PEX6: variants seen among roughly 807,000 people sequenced by gnomAD.
PEX6 encodes the protein peroxisome biogenesis factor 6.
Under a neutral mutation model 85.6 loss-of-function variants are expected in PEX6, and 55 were observed. That is an observed-to-expected ratio of 0.64 (90% CI 0.52 to 0.80). The LOEUF (loss-of-function observed/expected upper bound fraction) is 0.80. PEX6 is among the 30% of genes least tolerant of loss of function. The probability of loss-of-function intolerance (pLI) is 0.00; values close to 1 mark genes in which losing one functional copy is unlikely to be tolerated. For synonymous variants in PEX6, 519 were observed against 549.1 expected, an observed-to-expected ratio of 0.95 and a Z score of 0.77; for missense variants, 1,099 against 1,260.3, an observed-to-expected ratio of 0.87 and a Z score of 1.94.
rs1769731101 is a variant in PEX6 at position 42,965,329 on chromosome 6, G to A, written c.2511C>T (p.His837=). ...CAATCACAAACACATCCTGAGTGCTGTGCAGCCCATCTAGCTCGGCAAGGA... is the reference window on the plus strand; with the variant it reads ...CAATCACAAACACATCCTGAGTGCTATGCAGCCCATCTAGCTCGGCAAGGA... ...SQLLAELDGL[H]STQDVFVIGA... The change falls in exon 14 of 17, where the codon CAC becomes CAT. Residue 837 remains histidine (H), a synonymous_variant. Coordinates refer to ENST00000304611, the MANE Select transcript of PEX6 (RefSeq NM_000287.4). The surrounding 1 kb of genome is among the most constrained non-coding windows in gnomAD (Gnocchi z 5.0). 1 of 1,614,154 alleles carries A rather than the reference G, an allele frequency of 6.2e-7. No homozygotes were observed. Among genetic ancestry groups the A allele is most frequent in the Non-Finnish European group, 8.5e-7 (1 of 1,180,022 alleles).
chr6:42,976,516 C>T (rs1037038164), intron 1 of PEX6, among the ~76,000 whole-genome samples: 1 of 152,124 alleles, frequency 6.6e-6, no homozygotes, highest in Non-Finnish European at 1.5e-5. Flanking sequence ...GTGTGCACCA[C>T]CATACTGGGC....
In PEX6 at chr6:42,978,577, G is replaced by C. The variant is rs1403841138; in HGVS notation, c.574C>G (p.Arg192Gly). 3 of 1,611,774 alleles carry C rather than the reference G, an allele frequency of 1.9e-6. No homozygotes were observed. Among genetic ancestry groups the C allele is most frequent in the East Asian group, 2.2e-5 (1 of 44,856 alleles). ...VSSFAVSGTV[R>G]RLQGVLGGTG... is the part of the protein sequence containing the mutation. ...CCTCCCAGAACTCCCTGGAGTCGCC[G>C]CACTGTGCCAGAAACCGCAAAGGAG... The change falls in exon 1 of 17, where the codon CGG becomes GGG. Residue 192 changes from arginine to glycine, a missense_variant. Physicochemically the swap from Arg to Gly is moderately radical, Grantham distance 125. Transcript: ENST00000304611.
Position 42,978,494 on chromosome 6 carries a change from CT to C in PEX6, c.656del (p.Gln219ArgfsTer27), listed in dbSNP as rs267608202. ...CCTGGGCCACCCACACCCATTCGCCCTGGAAGAGGCCAAGGCCACGGAGACA... is the reference window on the plus strand; with the variant it reads ...CCTGGGCCACCCACACCCATTCGCCCGGAAGAGGCCAAGGCCACGGAGACA... ...RSCLRGLGLF[Q>X]GEWVWVAQAR... On this transcript the variant is annotated frameshift_variant, in exon 1 of 17. Coordinates refer to ENST00000304611, the MANE Select transcript of PEX6 (RefSeq NM_000287.4). LOFTEE classifies it high-confidence loss of function. The C allele has an allele frequency of 6.2e-7, 1 of 1,614,198 alleles. No homozygotes were observed. Among genetic ancestry groups the C allele is most frequent in the African/African-American group, 1.3e-5 (1 of 75,056 alleles).
chr6:42,967,068 C>T (rs989028160), intron 8 of PEX6, among the ~76,000 whole-genome samples: 1 of 144,278 alleles, frequency 6.9e-6, no homozygotes, highest in Admixed American at 7.3e-5. Flanking sequence ...CACCCGGGTT[C>T]AAGCGATTAT....
rs1301607679 is a variant in PEX6, at chr6:42,964,163, A to T, written c.*172T>A. 3 of 672,764 alleles carry T rather than the reference A, an allele frequency of 4.5e-6. No individual in the cohort carries two copies. The African/African-American group carries it at 5.4e-5, about 12-fold the overall frequency. 41.7% of individuals were successfully genotyped at this position (672,764 alleles called of 1,614,324 possible). A position where few individuals can be genotyped will look rare whatever the true frequency, so the allele number is the denominator to read the frequency against. ...GCAAGTAGGCAGGAGATATCTCTTG[A>T]GCTGTTGCTGCTGTCTCAATGCCAC... On this transcript the variant is annotated 3_prime_UTR_variant, in exon 17 of 17. Coordinates refer to ENST00000304611, the MANE Select transcript of PEX6 (RefSeq NM_000287.4). The surrounding 1 kb of genome is among the most constrained non-coding windows in gnomAD (Gnocchi z 4.6).
intron 7 of PEX6, 79 bp downstream of exon 7, chr6:42,968,211 A>G (rs1000377979): frequency 2.4e-5 from 30 of 1,238,374 alleles, no homozygotes; most frequent in Middle Eastern, 4.8e-4. Context: ...CGGCCTCCCA[A>G]TGTGCTGGGA....
chr6:42,969,963 C>G lies in PEX6; in HGVS notation c.1155G>C (p.Val385=). Residue 385 remains valine, a synonymous_variant, in exon 4 of 17, where the codon GTG becomes GTC. Transcript: ENST00000304611. ...CTGGAGCTTCCCCAACTGTTTTCTT[C>G]ACTTTAAAAAACATTTCCCGCCACC... ...LPRWREMFFK[V]KKTVGEAPDG... The G allele has an allele frequency of 6.2e-7, 1 of 1,614,186 alleles. No individual in the cohort carries two copies. Among genetic ancestry groups the G allele is most frequent in the South Asian group, 1.1e-5 (1 of 91,084 alleles).
Position 42,964,161 on chromosome 6 carries a change from T to G in PEX6, c.*174A>C. ...GGGCAAGTAGGCAGGAGATATCTCT[T>G]GAGCTGTTGCTGCTGTCTCAATGCC... On this transcript the variant is annotated 3_prime_UTR_variant, in exon 17 of 17. Transcript: ENST00000304611. The surrounding 1 kb of genome is among the most constrained non-coding windows in gnomAD (Gnocchi z 4.6). 15 of 668,246 alleles carry G rather than the reference T, an allele frequency of 2.2e-5. No homozygotes were observed. Among genetic ancestry groups the G allele is most frequent in the Middle Eastern group, 3.9e-4 (1 of 2,562 alleles). 41.4% of individuals were successfully genotyped at this position (668,246 alleles called of 1,614,324 possible). A position where few individuals can be genotyped will look rare whatever the true frequency, so the allele number is the denominator to read the frequency against.
At chr6:42,972,212 A>G (rs1770084349) in intron 3 of PEX6, among the ~76,000 whole-genome samples, 1 of 152,226 alleles carries the variant, frequency 6.6e-6, no homozygotes, top group African/African-American at 2.4e-5. Flanking sequence ...TAGTGCATCT[A>G]TCAGCTGTGC....
chr6:42,967,505 C>T lies in PEX6; in HGVS notation c.1747G>A (p.Val583Met), dbSNP rs750996699. The part of the protein sequence containing the change: ...TSRAQDLPAD[V>M]QTAFPHELEV... Reference sequence around the variant, plus strand: ...AGCTCATGAGGAAATGCTGTCTGCACATCAGCAGGCAGGTCCTGGGCCCGG... The same window carrying T: ...AGCTCATGAGGAAATGCTGTCTGCATATCAGCAGGCAGGTCCTGGGCCCGG... The change falls in exon 8 of 17, where the codon GTG becomes ATG. Residue 583 changes from valine (V) to methionine (M), a missense_variant. Physicochemically the swap from Val to Met is conservative, Grantham distance 21. Coordinates refer to ENST00000304611, the MANE Select transcript of PEX6 (RefSeq NM_000287.4). The T allele has an allele frequency of 6.2e-6, 10 of 1,609,142 alleles. No homozygotes were observed. Among genetic ancestry groups the T allele is most frequent in the Middle Eastern group, 1.7e-4 (1 of 5,886 alleles).
chr6:42,977,253 T>TA (rs1312484252), intron 1 of PEX6, among the ~76,000 whole-genome samples: 1 of 146,838 alleles, frequency 6.8e-6, no homozygotes, highest in Non-Finnish European at 1.5e-5. Flanking sequence ...AAACCTCACT[T>TA]TTTTTTTTTT....
In PEX6 at chr6:42,978,151, A is replaced by T. The variant is rs185766146; in HGVS notation, c.882+118T>A. ...TGAGTCACCGCGCCCGGCTAGAAACATTATGTTCAAAGTCCGGGATGATAT... is the reference window on the plus strand; with the variant it reads ...TGAGTCACCGCGCCCGGCTAGAAACTTTATGTTCAAAGTCCGGGATGATAT... On this transcript the variant is annotated intron_variant, in intron 1 of 16. Coordinates refer to ENST00000304611, the MANE Select transcript of PEX6 (RefSeq NM_000287.4). The T allele has an allele frequency of 1.7e-4, 214 of 1,284,748 alleles. No individual in the cohort carries two copies. The African/African-American group carries it at 2.6e-3, about 16-fold the overall frequency. 79.6% of individuals were successfully genotyped at this position (1,284,748 alleles called of 1,614,324 possible).
At position 42,968,494 on chromosome 6, in the gene PEX6, G is replaced by C. The variant is rs762174122; in HGVS notation, c.1484C>G (p.Pro495Arg). 5 of 1,569,750 alleles carry C rather than the reference G, an allele frequency of 3.2e-6. No individual in the cohort carries two copies. Among genetic ancestry groups the C allele is most frequent in the Middle Eastern group, 3.3e-4 (2 of 6,002 alleles). ...SHLGLHLLKV[P>R]CSSLCAESSG... The stretch of plus-strand genomic sequence containing the variant: ...ACTTTCTGCACAGAGGCTGGAGCAG[G>C]GCACCTGGGGAGGGGATCCCAATGG... Residue 495 changes from proline to arginine, a missense_variant, in exon 7 of 17, where the codon CCC (proline) becomes CGC (arginine). Physicochemically the swap from Pro to Arg is moderately radical, Grantham distance 103. This residue lies in a region of PEX6 where 514 missense variants were observed against 627.0 expected (regional missense o/e 0.82). Coordinates refer to ENST00000304611, the MANE Select transcript of PEX6 (RefSeq NM_000287.4).
chr6:42,978,849 G>A lies in PEX6; in HGVS notation c.302C>T (p.Pro101Leu), dbSNP rs774813175. 5.3e-6 allele frequency: 8 copies of A among 1,508,690 alleles called. No individual in the cohort carries two copies. Among genetic ancestry groups the A allele is most frequent in the African/African-American group, 4.3e-5 (3 of 69,652 alleles). The allele number at this position is 1,508,690 out of a possible 1,614,324, so 93.5% of individuals were successfully genotyped here. A position where few individuals can be genotyped will look rare whatever the true frequency, so the allele number is the denominator to read the frequency against. Reference sequence around the variant, plus strand: ...GCCAAGCAGTGCCCAACCTAGCGCCGGGGGCCGCCGCACCGCCCGCGCCCG... The same window carrying A: ...GCCAAGCAGTGCCCAACCTAGCGCCAGGGGCCGCCGCACCGCCCGCGCCCG... ...WVRARAVRRP[P>L]ALGWALLGTS... is the part of the protein sequence containing the mutation. The change falls in exon 1 of 17, where the codon CCG (proline) becomes CTG (leucine). Residue 101 changes from proline (P) to leucine (L), a missense_variant. This residue lies in a region of PEX6 where 579 missense variants were observed against 611.6 expected (regional missense o/e 0.95). Transcript: ENST00000304611.
In PEX6 at chr6:42,978,427, C is replaced by T. The variant is rs368915893; in HGVS notation, c.724G>A (p.Val242Met). 4.3e-6 allele frequency: 7 copies of T among 1,614,086 alleles called. No homozygotes were observed. In the Admixed American group the frequency reaches 5.0e-5, roughly 12 times the overall value. Reference sequence around the variant, plus strand: ...TCCCAGCGAGGTTCTAGGACCTGCACCCTAGCCAAGTGCGGCTGTGAAGTG... The same window carrying T: ...TCCCAGCGAGGTTCTAGGACCTGCATCCTAGCCAAGTGCGGCTGTGAAGTG... ...SNTSQPHLAR[V>M]QVLEPRWDLS... is the part of the protein sequence containing the mutation. Residue 242 changes from valine to methionine, a missense_variant, in exon 1 of 17, where the codon GTG becomes ATG. Physicochemically the swap from Val to Met is conservative, Grantham distance 21. Transcript: ENST00000304611.
intron 1 of PEX6, among the ~76,000 whole-genome samples, chr6:42,976,424 G>A (rs1054005057): frequency 3.3e-5 from 5 of 152,050 alleles, no homozygotes; most frequent in African/African-American, 9.7e-5. Flanking sequence ...GTGCAGTGGT[G>A]TGATCTGGGT....
At position 42,966,375 on chromosome 6, in the gene PEX6, G is replaced by C. The variant is rs1769806880; in HGVS notation, c.2167C>G (p.Leu723Val). ...AGTAGCTCAGGGTGCTCCAGGGGGAGCTGAATGGTCTCCAGGATCTCCTTC... is the reference window on the plus strand; with the variant it reads ...AGTAGCTCAGGGTGCTCCAGGGGGACCTGAATGGTCTCCAGGATCTCCTTC... The part of the protein sequence containing the change: ...VKKEILETIQ[L>V]PLEHPELLSL... The change falls in exon 11 of 17, where the codon CTC (leucine) becomes GTC (valine). Residue 723 changes from leucine to valine, a missense_variant. Physicochemically the swap from Leu to Val is conservative, Grantham distance 32. This residue lies in a region of PEX6 where 514 missense variants were observed against 627.0 expected (regional missense o/e 0.82). Transcript: ENST00000304611. 8 of 1,614,078 alleles carry C rather than the reference G, an allele frequency of 5.0e-6. No homozygotes were observed. Among genetic ancestry groups the C allele is most frequent in the Non-Finnish European group, 6.8e-6 (8 of 1,180,022 alleles).
At chr6:42,978,219 A>G (rs1361696359) in intron 1 of PEX6, 50 bp downstream of exon 1, 1 of 1,588,330 alleles carries the variant, frequency 6.3e-7, no homozygotes, top group Admixed American at 1.7e-5. Context: ...AAGACAGAGA[A>G]GAGGGTATAA....
At chr6:42,977,600 G>A (rs961941890) in intron 1 of PEX6, among the ~76,000 whole-genome samples, 1 of 151,696 alleles carries the variant, frequency 6.6e-6, no homozygotes, top group African/African-American at 2.4e-5. Flanking sequence ...CCAATACGGT[G>A]AAACCCCGTC....
Sources: gnomAD v4.1 joint callset for allele counts (sites outside exome capture counted in the v4.1 genomes callset) on GRCh38, gnomAD v4.1.1 for gene constraint, gnomAD v4.1.1 regional missense constraint, Gnocchi (gnomAD v3.1) non-coding constraint, MANE v1.5 for transcripts, NCBI Gene and HGNC (gene_info 2026-07-23, HGNC 2026-07-21) for gene names.